Variants in NRG1 observed in about 807,000 individuals in gnomAD.
NRG1 encodes neuregulin 1.
Under a neutral mutation model 63.8 loss-of-function variants are expected in NRG1, and 18 were observed. That is an observed-to-expected ratio of 0.28 (90% CI 0.19 to 0.42). The LOEUF (loss-of-function observed/expected upper bound fraction) is 0.42. Ranked by LOEUF, NRG1 falls within the 10% of genes least tolerant of loss-of-function variation. The pLI, the probability that NRG1 is intolerant of heterozygous loss-of-function variation, is 1.00. For synonymous variants in NRG1, 302 were observed against 301.3 expected, an observed-to-expected ratio of 1.00 and a Z score of -0.02; for missense variants, 762 against 814.7, an observed-to-expected ratio of 0.94 and a Z score of 0.79.
chr8:32,141,592 G>GTGTATATA (rs1352423543), intron 1 of NRG1, among the ~76,000 whole-genome samples: 1 of 71,790 alleles, frequency 1.4e-5, no homozygotes, highest in African/African-American at 4.9e-5. Context: ...ATGTGTGTGG[G>GTGTATATA]TATATATATA....
chr8:32,198,471 C>A (rs1203206575), intron 1 of NRG1, among the ~76,000 whole-genome samples: 5 of 152,224 alleles, frequency 3.3e-5, no homozygotes, highest in African/African-American at 1.2e-4. Flanking sequence ...AGCCACCATG[C>A]CTGGCCCAAG....
intron 1 of NRG1, among the ~76,000 whole-genome samples, chr8:32,189,021 G>A: frequency 6.6e-6 from 1 of 152,048 alleles, no homozygotes; most frequent in Non-Finnish European, 1.5e-5. Context: ...CCTCCAAAAA[G>A]TAATGCAACC....
At chr8:32,058,177 ACTTGATTAT>A (rs1823271808) in intron 1 of NRG1, among the ~76,000 whole-genome samples, 1 of 152,074 alleles carries the variant, frequency 6.6e-6, no homozygotes, top group African/African-American at 2.4e-5. Flanking sequence ...CCATACTTAA[ACTTGATTAT>A]TTAATTGCTC....
At chr8:32,104,211 G>T (rs930164998) in intron 1 of NRG1, among the ~76,000 whole-genome samples, 3 of 152,124 alleles carry the variant, frequency 2.0e-5, no homozygotes, top group South Asian at 4.1e-4. Flanking sequence ...AATCTGTACG[G>T]CATGTTACTG....
intron 1 of NRG1, among the ~76,000 whole-genome samples, chr8:32,475,150 C>T (rs183061530): frequency 2.0e-5 from 3 of 152,170 alleles, no homozygotes; most frequent in African/African-American, 7.2e-5. Context: ...CCCTGGACAC[C>T]ACTGCTTGTC....
chr8:32,354,966 T>C (rs1300099499), intron 1 of NRG1, among the ~76,000 whole-genome samples: 1 of 151,782 alleles, frequency 6.6e-6, no homozygotes, highest in East Asian at 1.9e-4. Flanking sequence ...ATCAGCAATA[T>C]AAATTGCAGA....
At chr8:32,520,649 A>T (rs1830252237) in intron 1 of NRG1, among the ~76,000 whole-genome samples, 1 of 152,266 alleles carries the variant, frequency 6.6e-6, no homozygotes, top group Non-Finnish European at 1.5e-5. Context: ...TGAAGTTTTC[A>T]GCATAGGCTC....
At chr8:32,498,572 A>C (rs921941795) in intron 1 of NRG1, among the ~76,000 whole-genome samples, 2 of 142,784 alleles carry the variant, frequency 1.4e-5, no homozygotes, top group African/African-American at 5.2e-5. Context: ...TGAGAACAGC[A>C]TGAGGGTAAC....
chr8:32,309,467 A>T (rs1331351466), intron 1 of NRG1, among the ~76,000 whole-genome samples: 1 of 152,178 alleles, frequency 6.6e-6, no homozygotes, highest in Non-Finnish European at 1.5e-5. Flanking sequence ...TCTTGTGAAG[A>T]TCTTCATGTA....
intron 1 of NRG1, among the ~76,000 whole-genome samples, chr8:32,196,118 A>AGTGTGTGTGTGTGTGTGTGT (rs55951634): frequency 1.4e-5 from 2 of 146,854 alleles, no homozygotes; most frequent in African/African-American, 2.5e-5. Flanking sequence ...AAAAACAATG[A>AGTGTGTGTGTGTGTGTGTGT]GTGTGTGTGT....
intron 1 of NRG1, among the ~76,000 whole-genome samples, chr8:32,148,291 G>A (rs1484567223): frequency 6.6e-6 from 1 of 152,166 alleles, no homozygotes; most frequent in African/African-American, 2.4e-5. Context: ...TCAGGCCCTA[G>A]GACCCAAGCC....
intron 1 of NRG1, among the ~76,000 whole-genome samples, chr8:32,455,677 G>T (rs926853366): frequency 2.6e-5 from 4 of 152,142 alleles, no homozygotes; most frequent in African/African-American, 9.7e-5. Context: ...TACCAATTAG[G>T]TTTAATGACC....
chr8:31,849,214 A>C (rs1304241472), intron 1 of NRG1, among the ~76,000 whole-genome samples: 1 of 152,224 alleles, frequency 6.6e-6, no homozygotes, highest in Non-Finnish European at 1.5e-5. Flanking sequence ...AGTCAAGAAC[A>C]GTTAAGCCAT....
intron 5 of NRG1, among the ~76,000 whole-genome samples, chr8:32,635,051 G>A (rs890981087): frequency 7.2e-5 from 11 of 152,154 alleles, no homozygotes; most frequent in African/African-American, 2.4e-4. Context: ...ACCTGTTTCT[G>A]TTTTTCACAG....
intron 6 of NRG1, 35 bp from the exon 7 acceptor site, chr8:32,741,973 A>ATT: frequency 1.1e-5 from 15 of 1,358,666 alleles, no homozygotes; most frequent in Non-Finnish European, 1.5e-5. Context: ...TGTCTTTAGC[A>ATT]TTTTTTTTTT....
At chr8:32,265,397 A>G (rs1277848697) in intron 1 of NRG1, among the ~76,000 whole-genome samples, 3 of 152,124 alleles carry the variant, frequency 2.0e-5, no homozygotes, top group Non-Finnish European at 4.4e-5. Flanking sequence ...AGTCTGTGTG[A>G]TATTTATCAT....
chr8:32,498,503 A>G (rs1827485880), intron 1 of NRG1, among the ~76,000 whole-genome samples: 1 of 152,070 alleles, frequency 6.6e-6, no homozygotes, highest in Non-Finnish European at 1.5e-5. Context: ...AAAGCCCCTT[A>G]TAAAACCATC....
At chr8:32,341,236 T>C (rs1563334468) in intron 1 of NRG1, among the ~76,000 whole-genome samples, 1 of 152,228 alleles carries the variant, frequency 6.6e-6, no homozygotes, top group Non-Finnish European at 1.5e-5. Flanking sequence ...TAATGAGTCA[T>C]GTTTAAGAGG....
chr8:32,137,054 TG>T (rs1008994224), intron 1 of NRG1, among the ~76,000 whole-genome samples: 2 of 152,134 alleles, frequency 1.3e-5, no homozygotes, highest in East Asian at 1.9e-4. Context: ...TCAATAAACA[TG>T]GGGGTTTTTT....
Sources: gnomAD v4.1 joint callset for allele counts (sites outside exome capture counted in the v4.1 genomes callset) on GRCh38, gnomAD v4.1.1 for gene constraint, MANE v1.5 for transcripts, NCBI Gene and HGNC (gene_info 2026-07-23, HGNC 2026-07-21) for gene names.